The following OXR1 variants were observed in gnomAD, a reference collection of about 807,000 sequenced individuals.
OXR1 encodes the protein oxidation resistance 1.
Under a neutral mutation model 104.6 loss-of-function variants are expected in OXR1, and 41 were observed. The ratio of observed to expected loss-of-function variants is 0.39; its 90% CI spans 0.31 to 0.51. OXR1 has a LOEUF of 0.51. Among genes scored for constraint, OXR1 ranks in the 20% least tolerant of loss-of-function variants. OXR1 has a pLI of 0.77. For missense variants in OXR1, 955 were observed against 1,031.9 expected (o/e 0.93, Z 1.02); for synonymous variants, 348 against 348.4 (o/e 1.00, Z 0.01).
chr8:106,379,537 C>CTTT (rs60855438), intron 2 of OXR1, among the ~76,000 whole-genome samples: 3,616 of 108,316 alleles, frequency 0.033, 173 homozygotes, highest in East Asian at 0.054. Context: ...TTCTTTCTTT[C>CTTT]TTTTTTTTTT....
chr8:106,737,564 T>C lies in OXR1; in HGVS notation c.2001T>C (p.Asn667=). The change falls in exon 12 of 17, where the codon AAT becomes AAC. Residue 667 remains asparagine, a synonymous_variant. Transcript: ENST00000517566. ...AEYHRRIDAL[N]TEELRTLCRR... ...ATCACCGCAGGATCGATGCTCTAAA[T>C]ACTGAAGAACTGCGCACACTCTGCA... is the stretch of plus-strand genomic sequence containing the variant. 1 of 1,398,372 alleles carries C rather than the reference T, an allele frequency of 7.2e-7. No homozygotes were observed. Among genetic ancestry groups the C allele is most frequent in the Non-Finnish European group, 9.4e-7 (1 of 1,064,714 alleles). The allele number at this position is 1,398,372 out of a possible 1,614,324, so 86.6% of individuals were successfully genotyped here.
chr8:106,483,727 G>T (rs1479613032), intron 2 of OXR1, among the ~76,000 whole-genome samples: 1 of 151,886 alleles, frequency 6.6e-6, no homozygotes, highest in Non-Finnish European at 1.5e-5. Context: ...TTCTCCCATG[G>T]ATGAACAACC....
intron 2 of OXR1, among the ~76,000 whole-genome samples, chr8:106,364,194 T>A (rs756932442): frequency 1.3e-5 from 2 of 152,230 alleles, no homozygotes; most frequent in East Asian, 3.8e-4. Context: ...CATATGTATA[T>A]CATTTAAAAT....
intron 7 of OXR1, among the ~76,000 whole-genome samples, chr8:106,701,950 T>C (rs1830616653): frequency 6.6e-6 from 1 of 152,204 alleles, no homozygotes; most frequent in Non-Finnish European, 1.5e-5. Flanking sequence ...TTTTAAGATT[T>C]GTATCACTAT....
intron 3 of OXR1, among the ~76,000 whole-genome samples, chr8:106,604,202 C>T (rs1169398605): frequency 6.6e-6 from 1 of 152,148 alleles, no homozygotes; most frequent in Non-Finnish European, 1.5e-5. Flanking sequence ...TTTTGAAACC[C>T]CTAACTAATC....
intron 3 of OXR1, among the ~76,000 whole-genome samples, chr8:106,677,327 G>T (rs369626676): frequency 4.6e-5 from 7 of 151,996 alleles, no homozygotes; most frequent in African/African-American, 1.4e-4. Context: ...TCTTAAAATA[G>T]TTTTAATGTT....
intron 3 of OXR1, among the ~76,000 whole-genome samples, chr8:106,522,239 C>T (rs1813315313): frequency 6.6e-6 from 1 of 152,096 alleles, no homozygotes; most frequent in Non-Finnish European, 1.5e-5. Context: ...AGAACCCTCA[C>T]AGATACCAAA....
intron 2 of OXR1, among the ~76,000 whole-genome samples, chr8:106,393,238 T>C (rs2130449857): frequency 6.6e-6 from 1 of 152,320 alleles, no homozygotes; most frequent in East Asian, 1.9e-4. Flanking sequence ...TCCTTATTAC[T>C]AGAGAAGTAA....
intron 2 of OXR1, among the ~76,000 whole-genome samples, chr8:106,394,812 A>G (rs2154669): frequency 0.64 from 97,515 of 151,866 alleles, 31,534 homozygotes; most frequent in Middle Eastern, 0.67. Flanking sequence ...GGACTGTTTC[A>G]CATGCTACTT....
rs888345461 is a variant in OXR1 at position 106,327,698 on chromosome 8, G to C, written c.-138-31778G>C. Among the ~76,000 whole-genome samples, 4 of 152,132 alleles carry C rather than the reference G, an allele frequency of 2.6e-5. No individual in the cohort carries two copies. In the South Asian group the frequency reaches 6.2e-4, roughly 24 times the overall value. On this transcript the variant is annotated intron_variant, in intron 1 of 16. Transcript: ENST00000517566. ...TTTGTCATTGGCTTTCTTTATAAAA[G>C]TTTCTTCTTAAAGGAATACTCATTT...
intron 3 of OXR1, among the ~76,000 whole-genome samples, chr8:106,524,563 A>G (rs1383291245): frequency 2.0e-5 from 3 of 152,200 alleles, no homozygotes; most frequent in Non-Finnish European, 2.9e-5. Flanking sequence ...GTGACACACC[A>G]AACAGTGATT....
intron 3 of OXR1, among the ~76,000 whole-genome samples, chr8:106,672,880 G>A (rs1388334116): frequency 6.6e-6 from 1 of 152,112 alleles, no homozygotes; most frequent in African/African-American, 2.4e-5. Flanking sequence ...TTTGCTTTCT[G>A]CTATGATTGT....
chr8:106,570,527 TAA>T (rs927596801), intron 3 of OXR1, among the ~76,000 whole-genome samples: 1 of 152,164 alleles, frequency 6.6e-6, no homozygotes, highest in African/African-American at 2.4e-5. Context: ...ATATAAATAA[TAA>T]GAGAAGTTCA....
chr8:106,724,073 C>G (rs1007906336), intron 11 of OXR1, among the ~76,000 whole-genome samples: 1 of 152,018 alleles, frequency 6.6e-6, no homozygotes, highest in Non-Finnish European at 1.5e-5. Context: ...GCCACCTCAC[C>G]TGGCATAAAA....
rs146322467 is a variant in OXR1 at position 106,476,193 on chromosome 8, A to C, written c.24-42750A>C. Among the ~76,000 whole-genome samples the C allele has an allele frequency of 1.4e-3, 212 of 151,996 alleles. 1 individual carries two copies. The highest frequency in any genetic ancestry group is 2.4e-3 in the Admixed American group (36 of 15,246). ...TATGACCTTCTGATCTAGAGGCTGA[A>C]TTAGAGATGTTGTGTTTGGGAGCAA... On this transcript the variant is annotated intron_variant, in intron 2 of 16. Transcript: ENST00000517566.
At chr8:106,347,091 T>C (rs1815521029) in intron 1 of OXR1, among the ~76,000 whole-genome samples, 1 of 152,200 alleles carries the variant, frequency 6.6e-6, no homozygotes, top group South Asian at 2.1e-4. Context: ...CGATTTTAAT[T>C]AAGCATGTCC....
At chr8:106,745,982 A>G (rs904469916) in intron 16 of OXR1, 120 bp downstream of exon 16, 5 of 607,000 alleles carry the variant, frequency 8.2e-6, no homozygotes, top group Non-Finnish European at 1.5e-5. Flanking sequence ...TTTGTATATT[A>G]TGAAAAAGAG....
At chr8:106,297,978 G>T (rs1052109561) in intron 1 of OXR1, among the ~76,000 whole-genome samples, 1 of 152,174 alleles carries the variant, frequency 6.6e-6, no homozygotes, top group Non-Finnish European at 1.5e-5. Flanking sequence ...TTATCCTGTG[G>T]GAGGCAATGA....
rs569119991 is a variant in OXR1, at chr8:106,292,987, G to T, written c.-139+22620G>T. On this transcript the variant is annotated intron_variant, in intron 1 of 16. Coordinates refer to ENST00000517566, the MANE Select transcript of OXR1 (RefSeq NM_001198533.2). ...CCATTTAATGGGCTGTTGCTGTGAC[G>T]TGAGAAGTAAGGACTGCTTGGACTA... Among the ~76,000 whole-genome samples the T allele has an allele frequency of 2.6e-5, 4 of 152,332 alleles. No individual in the cohort carries two copies. The East Asian group carries it at 7.7e-4, about 29-fold the overall frequency.
Sources: allele counts gnomAD v4.1 joint callset (sites outside exome capture counted in the v4.1 genomes callset), GRCh38; gene constraint gnomAD v4.1.1; transcripts MANE v1.5; gene names NCBI Gene and HGNC (gene_info 2026-07-23, HGNC 2026-07-21).